POU6F2: variants seen among roughly 807,000 people sequenced by gnomAD.
POU6F2 encodes the protein POU domain, class 6, transcription factor 2.
Under a neutral mutation model 71.3 loss-of-function variants are expected in POU6F2, and 31 were observed. The ratio of observed to expected loss-of-function variants is 0.43; its 90% CI spans 0.33 to 0.59. The LOEUF is 0.59. Among genes scored for constraint, POU6F2 ranks in the 20% least tolerant of loss-of-function variants. The pLI, the probability that POU6F2 is intolerant of heterozygous loss-of-function variation, is 0.04. For synonymous variants in POU6F2, 347 were observed against 355.7 expected (o/e 0.98, Z 0.27); for missense variants, 783 against 856.8 (o/e 0.91, Z 1.07).
intron 2 of POU6F2, among the ~76,000 whole-genome samples, chr7:39,089,899 A>G (rs1791328153): frequency 1.3e-5 from 2 of 150,604 alleles, no homozygotes; most frequent in African/African-American, 4.9e-5. Context: ...AAACCTCATG[A>G]TTTCCTTCCT....
At chr7:39,105,868 A>T (rs1791673277) in intron 2 of POU6F2, among the ~76,000 whole-genome samples, 1 of 152,168 alleles carries the variant, frequency 6.6e-6, no homozygotes, top group African/African-American at 2.4e-5. Flanking sequence ...TACCCAGGGG[A>T]TACATGGAAA....
At position 39,105,632 on chromosome 7, in the gene POU6F2, G is replaced by A. The variant is rs532679291; in HGVS notation, c.277+19601G>A. On this transcript the variant is annotated intron_variant, in intron 2 of 9. Transcript: ENST00000518318. ...GGCTCTGTTGATTAAAGTGGGGGGT[G>A]GTGCAAAAGATCCCATTAAGACTCA... 7.2e-5 allele frequency among the ~76,000 whole-genome samples: 11 copies of A among 151,962 alleles called. No individual in the cohort carries two copies. In the South Asian group the frequency reaches 2.3e-3, roughly 32 times the overall value.
chr7:39,005,609 G>A (rs766266822), intron 1 of POU6F2, among the ~76,000 whole-genome samples: 2 of 105,988 alleles, frequency 1.9e-5, no homozygotes, highest in Non-Finnish European at 1.9e-5. Flanking sequence ...TTGACCTGCC[G>A]TCAAAGAGGT....
chr7:39,319,884 A>T (rs954053806), intron 4 of POU6F2, among the ~76,000 whole-genome samples: 1 of 152,202 alleles, frequency 6.6e-6, no homozygotes, highest in African/African-American at 2.4e-5. Flanking sequence ...TTAAAATCAT[A>T]TTTCTGTATA....
chr7:39,084,753 T>C (rs941451636), intron 1 of POU6F2, among the ~76,000 whole-genome samples: 2 of 152,108 alleles, frequency 1.3e-5, no homozygotes, highest in Admixed American at 6.6e-5. Flanking sequence ...ACCAATGCAA[T>C]GGTGGGACCC....
At chr7:39,260,070 T>TA (rs1457831172) in intron 4 of POU6F2, among the ~76,000 whole-genome samples, 21 of 148,868 alleles carry the variant, frequency 1.4e-4, no homozygotes, top group Non-Finnish European at 2.5e-4. Flanking sequence ...TCCATACACA[T>TA]ACGATACACA....
At chr7:39,189,260 CA>C (rs972558160) in intron 2 of POU6F2, among the ~76,000 whole-genome samples, 4 of 152,194 alleles carry the variant, frequency 2.6e-5, no homozygotes, top group Admixed American at 6.5e-5. Context: ...TGAAGACAGA[CA>C]AAAAACCAAC....
chr7:39,427,027 A>ATAATTT (rs1787988743), intron 6 of POU6F2, among the ~76,000 whole-genome samples: 1 of 152,254 alleles, frequency 6.6e-6, no homozygotes, highest in East Asian at 1.9e-4. Flanking sequence ...ATCATGGTAA[A>ATAATTT]CAATTTCCAC....
At chr7:39,069,430 T>C (rs1313934346) in intron 1 of POU6F2, among the ~76,000 whole-genome samples, 1 of 152,220 alleles carries the variant, frequency 6.6e-6, no homozygotes, top group Non-Finnish European at 1.5e-5. Flanking sequence ...ATTCATTTTC[T>C]GACGAGCTCA....
intron 2 of POU6F2, among the ~76,000 whole-genome samples, chr7:39,154,755 T>G (rs1396704194): frequency 1.3e-5 from 2 of 151,938 alleles, no homozygotes; most frequent in African/African-American, 4.8e-5. Flanking sequence ...GAAGAGAATA[T>G]CACTACTGCA....
chr7:39,381,662 G>A (rs1303843744), intron 5 of POU6F2, among the ~76,000 whole-genome samples: 1 of 152,174 alleles, frequency 6.6e-6, no homozygotes, highest in Non-Finnish European at 1.5e-5. Flanking sequence ...GAAGTCTTTT[G>A]CTATGAGTTG....
chr7:39,100,567 G>A (rs1377715718), intron 2 of POU6F2, among the ~76,000 whole-genome samples: 1 of 152,102 alleles, frequency 6.6e-6, no homozygotes, highest in African/African-American at 2.4e-5. Flanking sequence ...AACATGTGTC[G>A]ATCAATGTCA....
chr7:39,290,212 T>C (rs2128761907), intron 4 of POU6F2, among the ~76,000 whole-genome samples: 1 of 152,350 alleles, frequency 6.6e-6, no homozygotes, highest in South Asian at 2.1e-4. Context: ...GTCTCCTGAA[T>C]TGCTCTTCAC....
chr7:39,196,953 C>T (rs1472910221), intron 2 of POU6F2, among the ~76,000 whole-genome samples: 2 of 152,182 alleles, frequency 1.3e-5, no homozygotes, highest in Non-Finnish European at 2.9e-5. Context: ...GCCCCTTTCA[C>T]GAGCAGGTGA....
At chr7:39,372,919 T>TA (rs1387566611) in intron 5 of POU6F2, among the ~76,000 whole-genome samples, 78 of 152,170 alleles carry the variant, frequency 5.1e-4, no homozygotes, top group African/African-American at 1.8e-3. Flanking sequence ...ATAATAATAA[T>TA]AATGCCCCCT....
At chr7:39,011,813 G>T (rs1789294101) in intron 1 of POU6F2, among the ~76,000 whole-genome samples, 1 of 148,676 alleles carries the variant, frequency 6.7e-6, no homozygotes, top group Admixed American at 6.7e-5. Flanking sequence ...GAAATTCTGG[G>T]TTGAAAATTC....
chr7:39,092,199 G>A (rs886228550), intron 2 of POU6F2, among the ~76,000 whole-genome samples: 6 of 152,122 alleles, frequency 3.9e-5, no homozygotes, highest in East Asian at 1.9e-4. Flanking sequence ...AAAGTTTCCC[G>A]CTGTCAGGTT....
chr7:39,390,362 C>T (rs1417517147), intron 5 of POU6F2, among the ~76,000 whole-genome samples: 1 of 152,182 alleles, frequency 6.6e-6, no homozygotes, highest in East Asian at 1.9e-4. Flanking sequence ...TGCCACTGCA[C>T]TCCAGCCTGG....
intron 4 of POU6F2, among the ~76,000 whole-genome samples, chr7:39,268,050 A>C (rs1045913566): frequency 2.0e-5 from 3 of 152,158 alleles, no homozygotes; most frequent in Admixed American, 6.5e-5. Flanking sequence ...TCCTTAAAAT[A>C]TACTAATTCC....
Sources: gnomAD v4.1 joint callset for allele counts (sites outside exome capture counted in the v4.1 genomes callset) on GRCh38, gnomAD v4.1.1 for gene constraint, MANE v1.5 for transcripts, NCBI Gene and HGNC (gene_info 2026-07-23, HGNC 2026-07-21) for gene names.